The following ADARB1 variants were observed in gnomAD, a reference collection of about 807,000 sequenced individuals.
The protein encoded by ADARB1 is double-stranded RNA-specific editase 1.
Under a neutral mutation model 52.4 loss-of-function variants are expected in ADARB1, and 10 were observed. The ratio of observed to expected loss-of-function variants is 0.19; its 90% CI spans 0.12 to 0.32. The LOEUF is 0.32. Ranked by LOEUF, ADARB1 falls within the 10% of genes least tolerant of loss-of-function variation. ADARB1 has a pLI of 1.00. For missense variants in ADARB1, 643 were observed against 922.3 expected (o/e 0.70, Z 3.92); for synonymous variants, 349 against 371.1 (o/e 0.94, Z 0.68).
chr21:45,179,105 A>G (rs1472835814), intron 4 of ADARB1, among the ~76,000 whole-genome samples: 1 of 152,030 alleles, frequency 6.6e-6, no homozygotes, highest in Non-Finnish European at 1.5e-5. Flanking sequence ...GCCAATTGGA[A>G]TGCGTCGCCC....
At chr21:45,106,880 G>A (rs538170562) in intron 1 of ADARB1, among the ~76,000 whole-genome samples, 3 of 152,318 alleles carry the variant, frequency 2.0e-5, no homozygotes, top group African/African-American at 7.2e-5. Flanking sequence ...ACAAAGCACA[G>A]ATGTGCAGTT....
intron 2 of ADARB1, among the ~76,000 whole-genome samples, chr21:45,160,058 A>G (rs1389487160): frequency 6.6e-6 from 1 of 152,238 alleles, no homozygotes; most frequent in Non-Finnish European, 1.5e-5. Flanking sequence ...CGATCATAGT[A>G]GGCTGCTGGA....
chr21:45,159,569 G>C (rs934317823), intron 2 of ADARB1, among the ~76,000 whole-genome samples: 10 of 152,292 alleles, frequency 6.6e-5, no homozygotes, highest in African/African-American at 2.4e-4. Context: ...ATGACCAGGG[G>C]CTCAGTAATG....
intron 8 of ADARB1, among the ~76,000 whole-genome samples, chr21:45,199,118 G>C (rs1339897734): frequency 1.3e-5 from 2 of 152,158 alleles, no homozygotes; most frequent in Admixed American, 6.5e-5. Flanking sequence ...CTAGATGGAG[G>C]CTTGTCTCTC....
At chr21:45,188,970 A>G (rs1315286287) in intron 8 of ADARB1, among the ~76,000 whole-genome samples, 1 of 152,226 alleles carries the variant, frequency 6.6e-6, no homozygotes, top group Admixed American at 6.5e-5. Context: ...ACATGGCAGC[A>G]GACAAAAGAG....
At chr21:45,152,573 G>T in intron 2 of ADARB1, 1 of 371,080 alleles carries the variant, frequency 2.7e-6, no homozygotes. Flanking sequence ...GACAGAATGA[G>T]GCTGGGGCCG....
In ADARB1 at chr21:45,204,676, C is replaced by T; in HGVS notation, c.1687C>T (p.Arg563Trp). The change falls in exon 9 of 11, where the codon CGG becomes TGG. Residue 563 changes from arginine (R) to tryptophan (W), a missense_variant. Arg to Trp is a moderately radical substitution (Grantham distance 101). Around this residue, in one of 2 missense-constraint regions of ADARB1, gnomAD observed 263 missense variants for 475.8 expected, o/e 0.55. Coordinates refer to ENST00000348831, the MANE Select transcript of ADARB1 (RefSeq NM_001112.4). This position sits in a 1 kb window ranked among gnomAD's most constrained non-coding sequence, Gnocchi z 4.4. ...CCACCTTTCCAGGGCCATGTACCAG[C>T]GGATCTCCAACATAGAGGACCTGCC... ...GDHLSRAMYQ[R>W]ISNIEDLPPL... is the part of the protein sequence containing the mutation. The T allele has an allele frequency of 1.9e-6, 3 of 1,614,192 alleles. No homozygotes were observed. The highest frequency in any genetic ancestry group is 2.5e-6 in the Non-Finnish European group (3 of 1,180,040).
At chr21:45,110,539 A>G (rs1385440466) in intron 1 of ADARB1, among the ~76,000 whole-genome samples, 1 of 152,136 alleles carries the variant, frequency 6.6e-6, no homozygotes, top group Non-Finnish European at 1.5e-5. Context: ...TGCTACTGAC[A>G]ATGATGTATT....
At chr21:45,151,372 C>T (rs2090277031) in intron 2 of ADARB1, among the ~76,000 whole-genome samples, 1 of 152,198 alleles carries the variant, frequency 6.6e-6, no homozygotes, top group Non-Finnish European at 1.5e-5. Context: ...GCAGTTGTCA[C>T]AAGCATTGCA....
rs1032171008 is a variant in ADARB1 at position 45,077,466 on chromosome 21, C to T, written c.-220+2673C>T. Among the ~76,000 whole-genome samples, 4 of 151,966 alleles carry T rather than the reference C, an allele frequency of 2.6e-5. No homozygotes were observed. In the South Asian group the frequency reaches 6.2e-4, roughly 24 times the overall value. On this transcript the variant is annotated intron_variant, in intron 1 of 10. Transcript: ENST00000348831. ...AGATCACGAGGTCAGGAGATCGAGA[C>T]CATCCTTGCTAACACGGTGAAAACC...
At chr21:45,197,170 TCAAAA>T (rs1021210535) in intron 8 of ADARB1, among the ~76,000 whole-genome samples, 4 of 151,808 alleles carry the variant, frequency 2.6e-5, no homozygotes, top group South Asian at 2.1e-4. Flanking sequence ...AGAATAAGAC[TCAAAA>T]CAAAACAAAG....
At chr21:45,097,146 C>T (rs1366022946) in intron 1 of ADARB1, among the ~76,000 whole-genome samples, 1 of 152,170 alleles carries the variant, frequency 6.6e-6, no homozygotes, top group Non-Finnish European at 1.5e-5. Context: ...CTCAGCAGCA[C>T]CCTTTAGGTA....
chr21:45,077,850 G>A (rs2086005066), intron 1 of ADARB1, among the ~76,000 whole-genome samples: 1 of 152,156 alleles, frequency 6.6e-6, no homozygotes, highest in South Asian at 2.1e-4. Context: ...ATTGTCCAGT[G>A]AAATCATTAA....
intron 2 of ADARB1, among the ~76,000 whole-genome samples, chr21:45,130,729 C>T (rs545751362): frequency 8.5e-5 from 13 of 152,276 alleles, no homozygotes; most frequent in African/African-American, 2.6e-4. Context: ...AGCCACAGGT[C>T]GCACTGCAGG....
intron 1 of ADARB1, among the ~76,000 whole-genome samples, chr21:45,122,406 G>A (rs1027876791): frequency 6.6e-6 from 1 of 152,162 alleles, no homozygotes; most frequent in African/African-American, 2.4e-5. Context: ...ATCCTCAGTG[G>A]TCCCTCTTTT....
intron 2 of ADARB1, among the ~76,000 whole-genome samples, chr21:45,155,543 T>C (rs945524921): frequency 1.6e-4 from 24 of 151,996 alleles, no homozygotes; most frequent in African/African-American, 5.8e-4. Flanking sequence ...CGTCAACCTA[T>C]CATCCATCTG....
Position 45,175,868 on chromosome 21 carries a change from A to G in ADARB1, c.167A>G (p.Glu56Gly), listed in dbSNP as rs759943630. 2.5e-6 allele frequency: 4 copies of G among 1,613,610 alleles called. No homozygotes were observed. In the African/African-American group the frequency reaches 4.0e-5, roughly 16 times the overall value. Residue 56 changes from glutamate (E) to glycine (G), a missense_variant, in exon 4 of 11, where the codon GAG (glutamate) becomes GGG (glycine). Transcript: ENST00000348831. ...GGCCCCGGCAGAAAGCGGCCCCTGG[A>G]GGAGGGCAGCAATGGCCACTCCAAG... ...GGGPGRKRPL[E>G]EGSNGHSKYR...
At chr21:45,102,904 G>C (rs950448203) in intron 1 of ADARB1, among the ~76,000 whole-genome samples, 2 of 152,196 alleles carry the variant, frequency 1.3e-5, no homozygotes, top group African/African-American at 2.4e-5. Context: ...CATGGAAGTG[G>C]GGCGGGGGGC....
At position 45,175,898 on chromosome 21, in the gene ADARB1, G is replaced by A. The variant is rs150318827; in HGVS notation, c.197G>A (p.Arg66His). The change falls in exon 4 of 11, where the codon CGC (arginine) becomes CAC (histidine). Residue 66 changes from arginine (R) to histidine (H), a missense_variant. Physicochemically the swap from Arg to His is conservative, Grantham distance 29. This residue lies in a region of ADARB1 where 380 missense variants were observed against 446.5 expected (regional missense o/e 0.85). Coordinates refer to ENST00000348831, the MANE Select transcript of ADARB1 (RefSeq NM_001112.4). ...GGCAGCAATGGCCACTCCAAGTACC[G>A]CCTGAAGAAAAGGAGGAAAACACCA... ...EEGSNGHSKY[R>H]LKKRRKTPGP... 42 of 1,610,394 alleles carry A rather than the reference G, an allele frequency of 2.6e-5. No individual in the cohort carries two copies. Among genetic ancestry groups the A allele is most frequent in the Admixed American group, 2.0e-4 (12 of 59,274 alleles).
Sources: allele counts gnomAD v4.1 joint callset (sites outside exome capture counted in the v4.1 genomes callset), GRCh38; gene constraint gnomAD v4.1.1; regional missense constraint gnomAD v4.1.1; non-coding constraint Gnocchi (gnomAD v3.1); transcripts MANE v1.5; gene names NCBI Gene and HGNC (gene_info 2026-07-23, HGNC 2026-07-21).